The following MYH4 variants were observed in gnomAD, a reference collection of about 807,000 sequenced individuals.
MYH4 encodes myosin-4.
Under a neutral mutation model 229.9 loss-of-function variants are expected in MYH4, and 200 were observed. That is an observed-to-expected ratio of 0.87 (90% confidence interval 0.78 to 0.98). MYH4 has a LOEUF of 0.98. Ranked by LOEUF, MYH4 falls within the 50% of genes least tolerant of loss-of-function variation. MYH4 has a pLI of 0.00. For synonymous variants in MYH4, 761 were observed against 834.6 expected, an observed-to-expected ratio of 0.91 and a Z score of 1.52; for missense variants, 2,148 against 2,332.6, an observed-to-expected ratio of 0.92 and a Z score of 1.63.
rs1192544779 is a variant in MYH4, at chr17:10,444,666, G to A, written c.5605C>T (p.Gln1869Ter). Residue 1869 changes from glutamine (Q) to a stop codon, truncating the protein, a stop_gained, in exon 39 of 40, where the codon CAG (glutamine) becomes TAG (stop). Coordinates refer to ENST00000255381, the MANE Select transcript of MYH4 (RefSeq NM_017533.2). LOFTEE classifies it high-confidence loss of function. ...GTTTGCAATTTGTCCACCAAGTCCT[G>A]CAGCCTGAGAATATTCTTGCGGTCC... Reference protein sequence around the residue: ...EEDRKNILRLQDLVDKLQTKV... With the variant: ...EEDRKNILRL 1 of 1,613,964 alleles carries A rather than the reference G, an allele frequency of 6.2e-7. No homozygotes were observed. Among genetic ancestry groups the A allele is most frequent in the Admixed American group, 1.7e-5 (1 of 59,998 alleles).
chr17:10,443,621 A>G lies in MYH4; in HGVS notation c.5668-94T>C. Reference sequence around the variant, plus strand: ...CTTCAGGATTTGCCTCATGAATGAGAAAGAAAAAGGCTCCGTTGTCCAGGC... The same window carrying G: ...CTTCAGGATTTGCCTCATGAATGAGGAAGAAAAAGGCTCCGTTGTCCAGGC... On this transcript the variant is annotated intron_variant, in intron 39 of 39. Transcript: ENST00000255381. This position sits in a 1 kb window ranked among gnomAD's most constrained non-coding sequence, Gnocchi z 4.6. 1 of 1,380,980 alleles carries G rather than the reference A, an allele frequency of 7.2e-7. No homozygotes were observed. Among genetic ancestry groups the G allele is most frequent in the Non-Finnish European group, 9.9e-7 (1 of 1,008,102 alleles). The allele number at this position is 1,380,980 out of a possible 1,614,324, so 85.5% of individuals were successfully genotyped here.
intron 39 of MYH4, 42 bp downstream of exon 39, chr17:10,444,562 A>G: frequency 6.6e-7 from 1 of 1,516,442 alleles, no homozygotes; most frequent in Middle Eastern, 1.8e-4. Context: ...AAAAACCTGG[A>G]TGTGCATCTG....
At position 10,455,856 on chromosome 17, in the gene MYH4, G is replaced by A. The variant is rs764308948; in HGVS notation, c.2014C>T (p.His672Tyr). Reference protein sequence around the residue: ...LMTNLRSTHPHFVRCIIPNET... With the variant: ...LMTNLRSTHPYFVRCIIPNET... ...TTGGGGATGATGCACCGCACAAAGT[G>A]GGGGTGAGTGCTCCTCAAGTTGGTC... The change falls in exon 18 of 40, where the codon CAC becomes TAC. Residue 672 changes from histidine to tyrosine, a missense_variant. Physicochemically the swap from His to Tyr is moderately conservative, Grantham distance 83. Coordinates refer to ENST00000255381, the MANE Select transcript of MYH4 (RefSeq NM_017533.2). 1.9e-6 allele frequency: 3 copies of A among 1,614,200 alleles called. No homozygotes were observed. Among genetic ancestry groups the A allele is most frequent in the Admixed American group, 1.7e-5 (1 of 60,032 alleles).
At chr17:10,461,909 A>G (rs567027668) in intron 11 of MYH4, among the ~76,000 whole-genome samples, 32 of 152,276 alleles carry the variant, frequency 2.1e-4, no homozygotes, top group Non-Finnish European at 4.0e-4. Flanking sequence ...AACTCTACCT[A>G]TTTACAGAAA....
In MYH4 at chr17:10,453,816, C is replaced by T. The variant is rs1403447124; in HGVS notation, c.2761G>A (p.Ala921Thr). 6.2e-7 allele frequency: 1 copy of T among 1,614,074 alleles called. No individual in the cohort carries two copies. Among genetic ancestry groups the T allele is most frequent in the Non-Finnish European group, 8.5e-7 (1 of 1,179,994 alleles). ...CTTTCAGTTACCTCTTTGATTTTGG[C>T]CTCAAGTTGGATTTTGGTTTTAATC... ...QLIKTKIQLE[A>T]KIKEVTERAE... The change falls in exon 23 of 40, where the codon GCC (alanine) becomes ACC (threonine). Residue 921 changes from alanine (A) to threonine (T), a missense_variant. By Grantham distance (58) the Ala-to-Thr change is moderately conservative (BLOSUM62 0). Transcript: ENST00000255381.
rs781491412 is a variant in MYH4 at position 10,451,999 on chromosome 17, T to C, written c.3680A>G (p.Glu1227Gly). 6.2e-7 allele frequency: 1 copy of C among 1,613,820 alleles called. No homozygotes were observed. Among genetic ancestry groups the C allele is most frequent in the South Asian group, 1.1e-5 (1 of 91,066 alleles). ...AAGGTCATTGATCTCCATCTTCAGC[T>C]CACTCTTTTCCTTCTCCAGCTTCTG... is the stretch of plus-strand genomic sequence containing the variant. Reference protein sequence around the residue: ...VKQKLEKEKSELKMEINDLAS... With the variant: ...VKQKLEKEKSGLKMEINDLAS... The change falls in exon 27 of 40, where the codon GAG (glutamate) becomes GGG (glycine). Residue 1227 changes from glutamate (E) to glycine (G), a missense_variant. Glu to Gly is a moderately conservative substitution (Grantham distance 98, BLOSUM62 -2). Transcript: ENST00000255381.
intron 33 of MYH4, 52 bp from the exon 34 acceptor site, chr17:10,448,178 T>C: frequency 6.6e-7 from 1 of 1,507,396 alleles, no homozygotes; most frequent in Non-Finnish European, 8.9e-7. Context: ...TTTATTTCTT[T>C]CACATTATGA....
chr17:10,465,470 A>G lies in MYH4; in HGVS notation c.477T>C (p.Ser159=), dbSNP rs2072752136. The change falls in exon 5 of 40, where the codon TCT becomes TCC. Residue 159 remains serine, a synonymous_variant. Transcript: ENST00000255381. ...QEAPPHIFSI[S]DNAYQFMLTD... The stretch of plus-strand genomic sequence containing the variant: ...TTAGCATGAACTGATAGGCATTGTC[A>G]GAGATGGAGAAGATATGGGGTGGGG... The G allele has an allele frequency of 6.2e-7, 1 of 1,614,068 alleles. No homozygotes were observed. Among genetic ancestry groups the G allele is most frequent in the East Asian group, 2.2e-5 (1 of 44,870 alleles).
In MYH4 at chr17:10,462,908, G is replaced by A; in HGVS notation, c.965C>T (p.Thr322Ile). The change falls in exon 11 of 40, where the codon ACT becomes ATT. Residue 322 changes from threonine to isoleucine, a missense_variant. Thr to Ile is a moderately conservative substitution (Grantham distance 89). Transcript: ENST00000255381. ...TTCCTGGTCATCAATGCTGGGCACA[G>A]TAATTTCCCCTTGGCTGACAAATGC... ...DFAFVSQGEI[T>I]VPSIDDQEEL... The A allele has an allele frequency of 6.2e-7, 1 of 1,614,128 alleles. No individual in the cohort carries two copies. The highest frequency in any genetic ancestry group is 1.7e-5 in the Admixed American group (1 of 60,026).
intron 14 of MYH4, 78 bp from the exon 15 acceptor site, chr17:10,459,499 G>T: frequency 6.2e-7 from 1 of 1,606,128 alleles, no homozygotes. Context: ...ATTTTCTTCT[G>T]AATTTAAGGC....
At chr17:10,469,103 T>C (rs527905984) in intron 2 of MYH4, among the ~76,000 whole-genome samples, 185 bp downstream of exon 2, 401 of 152,330 alleles carry the variant, frequency 2.6e-3, no homozygotes, top group African/African-American at 9.1e-3. Flanking sequence ...AAGAGAAGTT[T>C]CATTAAGTTT....
At chr17:10,450,408 C>G in intron 30 of MYH4, 45 bp downstream of exon 30, 1 of 1,613,524 alleles carries the variant, frequency 6.2e-7, no homozygotes, top group Non-Finnish European at 8.5e-7. Flanking sequence ...CCTTCACTGC[C>G]TTTACTTTTA....
chr17:10,468,251 T>C (rs1268850735), intron 2 of MYH4, among the ~76,000 whole-genome samples: 1 of 152,210 alleles, frequency 6.6e-6, no homozygotes, highest in East Asian at 1.9e-4. Context: ...GAGGTTACTA[T>C]AATGCAGTGT....
intron 4 of MYH4, 101 bp downstream of exon 4, chr17:10,466,172 G>GT: frequency 7.3e-7 from 1 of 1,365,890 alleles, no homozygotes; most frequent in Non-Finnish European, 1.0e-6. Context: ...GGTCATAAAA[G>GT]AACAGTTCAA....
At chr17:10,465,661 GT>G in intron 4 of MYH4, 63 bp from the exon 5 acceptor site, 1 of 1,581,998 alleles carries the variant, frequency 6.3e-7, no homozygotes, top group Non-Finnish European at 8.6e-7. Context: ...TGGAAATACT[GT>G]TTAAGGGCAA....
In MYH4 at chr17:10,457,499, C is replaced by G. The variant is rs987528605; in HGVS notation, c.1818G>C (p.Glu606Asp). The change falls in exon 16 of 40, where the codon GAG becomes GAC. Residue 606 changes from glutamate to aspartate, a missense_variant. Coordinates refer to ENST00000255381, the MANE Select transcript of MYH4 (RefSeq NM_017533.2). Reference sequence around the variant, plus strand: ...ACTTCTGGTACAGCCCCACCACAGTCTCATTCAGGGGGTCCTTGTTTTTGT... The same window carrying G: ...ACTTCTGGTACAGCCCCACCACAGTGTCATTCAGGGGGTCCTTGTTTTTGT... ...WLDKNKDPLN[E>D]TVVGLYQKSA... 6.2e-7 allele frequency: 1 copy of G among 1,614,098 alleles called. No homozygotes were observed. Among genetic ancestry groups the G allele is most frequent in the African/African-American group, 1.3e-5 (1 of 74,928 alleles).
intron 7 of MYH4, among the ~76,000 whole-genome samples, chr17:10,464,068 A>G (rs1234329713): frequency 6.6e-6 from 1 of 152,154 alleles, no homozygotes; most frequent in Admixed American, 6.5e-5. Context: ...ACATGGGTAT[A>G]TTGCATGATA....
intron 5 of MYH4, 88 bp from the exon 6 acceptor site, chr17:10,464,796 T>C: frequency 7.6e-7 from 1 of 1,308,974 alleles, no homozygotes; most frequent in Non-Finnish European, 1.1e-6. Context: ...AATTGTCTTT[T>C]AAAACTCCCC....
At chr17:10,451,047 A>T (rs923135251) in intron 28 of MYH4, 152 bp from the exon 29 acceptor site, 6 of 857,180 alleles carry the variant, frequency 7.0e-6, no homozygotes, top group East Asian at 2.6e-5. Context: ...CTTGCTTTTT[A>T]AAAAATGTAT....
Sources: gnomAD v4.1 joint callset for allele counts (sites outside exome capture counted in the v4.1 genomes callset) on GRCh38, gnomAD v4.1.1 for gene constraint, Gnocchi (gnomAD v3.1) non-coding constraint, MANE v1.5 for transcripts, NCBI Gene and HGNC (gene_info 2026-07-23, HGNC 2026-07-21) for gene names.